EBF2: variants seen among roughly 807,000 people sequenced by gnomAD.
The protein encoded by EBF2 is EBF transcription factor 2, also known as transcription factor COE2.
In EBF2, 21 loss-of-function variants were observed where a neutral mutation model predicts 72.8. That is an observed-to-expected ratio of 0.29 (90% CI 0.20 to 0.42). The LOEUF (loss-of-function observed/expected upper bound fraction) is 0.42, where lower values mean the gene tolerates loss of function less well. EBF2 is among the 10% of genes least tolerant of loss of function. EBF2 has a pLI of 1.00. For synonymous variants in EBF2, 299 were observed against 274.2 expected (o/e 1.09, Z -0.89); for missense variants, 637 against 731.2 (o/e 0.87, Z 1.49).
At position 26,003,897 on chromosome 8, in the gene EBF2, G is replaced by A. The variant is rs151101057; in HGVS notation, c.551+29188C>T. On this transcript the variant is annotated intron_variant, in intron 6 of 15. Transcript: ENST00000520164. ...CAATTAGGGATTAACCAAAGTGCTC[G>A]CTCCTGCCAGCAAGAGTTTGCGCTC... 5.1e-4 allele frequency among the ~76,000 whole-genome samples: 78 copies of A among 152,218 alleles called. No homozygotes were observed. The East Asian group carries it at 0.014, about 28-fold the overall frequency.
chr8:26,042,812 A>C (rs1797739965), intron 1 of EBF2, among the ~76,000 whole-genome samples: 1 of 152,126 alleles, frequency 6.6e-6, no homozygotes, highest in African/African-American at 2.4e-5. Flanking sequence ...TAAGAACCCC[A>C]AGGGGCAGGC....
intron 11 of EBF2, 131 bp from the exon 12 acceptor site, chr8:25,861,505 T>C (rs1447968752): frequency 2.1e-6 from 2 of 943,138 alleles, no homozygotes; most frequent in Non-Finnish European, 3.2e-6. Flanking sequence ...AGAGGTCCTA[T>C]ATTTGGTTTG....
intron 6 of EBF2, among the ~76,000 whole-genome samples, chr8:25,956,612 T>G (rs1367924113): frequency 6.6e-6 from 1 of 152,164 alleles, no homozygotes; most frequent in Non-Finnish European, 1.5e-5. Flanking sequence ...TGACTATTAT[T>G]ACATACTCTA....
At chr8:25,998,329 G>A (rs781305494) in intron 6 of EBF2, among the ~76,000 whole-genome samples, 1 of 152,176 alleles carries the variant, frequency 6.6e-6, no homozygotes, top group Non-Finnish European at 1.5e-5. Context: ...AACAGACAAG[G>A]ATATCAGTGT....
intron 6 of EBF2, among the ~76,000 whole-genome samples, chr8:25,937,340 G>T (rs1266196903): frequency 5.9e-5 from 9 of 152,056 alleles, no homozygotes; most frequent in Admixed American, 5.2e-4. Flanking sequence ...CCCATACAAG[G>T]GAACAAAGTT....
At chr8:25,918,428 A>G (rs1049432428) in intron 6 of EBF2, among the ~76,000 whole-genome samples, 1 of 152,254 alleles carries the variant, frequency 6.6e-6, no homozygotes, top group African/African-American at 2.4e-5. Flanking sequence ...GAAGCCATGC[A>G]TAAATTTACA....
intron 10 of EBF2, among the ~76,000 whole-genome samples, chr8:25,866,433 TTATATA>T (rs1029645921): frequency 1.7e-5 from 2 of 120,656 alleles, no homozygotes; most frequent in African/African-American, 6.9e-5. Context: ...GATTTTTTAT[TTATATA>T]TATAATATAT....
chr8:26,033,421 G>A (rs1036674245), intron 5 of EBF2, among the ~76,000 whole-genome samples: 2 of 152,176 alleles, frequency 1.3e-5, no homozygotes, highest in African/African-American at 2.4e-5. Context: ...CTAAAGATGG[G>A]TTGTTACCAT....
At chr8:26,014,737 C>T (rs1339375746) in intron 6 of EBF2, among the ~76,000 whole-genome samples, 1 of 152,158 alleles carries the variant, frequency 6.6e-6, no homozygotes, top group African/African-American at 2.4e-5. Flanking sequence ...GCCCAAAAGT[C>T]GTGAACTACA....
chr8:25,995,353 G>T (rs10087606), intron 6 of EBF2, among the ~76,000 whole-genome samples: 119,182 of 152,152 alleles, frequency 0.78, 47,452 homozygotes, highest in African/African-American at 0.92. Flanking sequence ...TCCAACATAT[G>T]TTAAAAGATT....
chr8:25,856,441 T>G (rs984965414), intron 14 of EBF2, among the ~76,000 whole-genome samples: 2 of 152,238 alleles, frequency 1.3e-5, no homozygotes, highest in East Asian at 3.8e-4. Flanking sequence ...TTTTTTACTA[T>G]TTATTGGCTA....
At chr8:25,892,139 A>G (rs1802792904) in intron 7 of EBF2, among the ~76,000 whole-genome samples, 1 of 152,228 alleles carries the variant, frequency 6.6e-6, no homozygotes, top group Admixed American at 6.5e-5. Flanking sequence ...TCCTATACAT[A>G]CCTATGATAA....
At chr8:25,981,801 A>G (rs932207102) in intron 6 of EBF2, among the ~76,000 whole-genome samples, 2 of 151,786 alleles carry the variant, frequency 1.3e-5, no homozygotes, top group African/African-American at 4.8e-5. Flanking sequence ...CTTAAAAAAA[A>G]AAAAAAAAAT....
At chr8:25,942,506 G>C (rs1803690536) in intron 6 of EBF2, among the ~76,000 whole-genome samples, 1 of 152,130 alleles carries the variant, frequency 6.6e-6, no homozygotes, top group African/African-American at 2.4e-5. Context: ...GTCCCCTTGG[G>C]GCCTATCCCC....
rs985113936 is a variant in EBF2 at position 25,841,904 on chromosome 8, A to C, written c.*2705T>G. 5.3e-5 allele frequency: 8 copies of C among 152,352 alleles called. No homozygotes were observed. The highest frequency in any genetic ancestry group is 1.2e-4 in the Non-Finnish European group (8 of 68,034). The allele number at this position is 152,352 out of a possible 1,614,324, so 9.4% of individuals were successfully genotyped here. A position where few individuals can be genotyped will look rare whatever the true frequency, so the allele number is the denominator to read the frequency against. On this transcript the variant is annotated 3_prime_UTR_variant, in exon 16 of 16. Transcript: ENST00000520164. ...CAACTTTATACTGTATATAACTGAC[A>C]AAGCAAAACAATAAAATGAAACTAT...
At chr8:25,884,268 C>T (rs1390509572) in intron 10 of EBF2, among the ~76,000 whole-genome samples, 1 of 152,140 alleles carries the variant, frequency 6.6e-6, no homozygotes, top group African/African-American at 2.4e-5. Context: ...TCCCCCACCC[C>T]CAGATTCATG....
chr8:25,987,893 C>G (rs1192704820), intron 6 of EBF2, among the ~76,000 whole-genome samples: 1 of 152,056 alleles, frequency 6.6e-6, no homozygotes, highest in Admixed American at 6.6e-5. Flanking sequence ...CAGTAATATA[C>G]AAAACTCATA....
chr8:25,928,782 GAAAA>G (rs71551838), intron 6 of EBF2, among the ~76,000 whole-genome samples: 4 of 110,376 alleles, frequency 3.6e-5, no homozygotes, highest in South Asian at 7.0e-4. Context: ...ATTTTTAAAT[GAAAA>G]AAAAAAAAAA....
chr8:25,849,405 A>G (rs1801912760), intron 15 of EBF2, among the ~76,000 whole-genome samples: 3 of 152,324 alleles, frequency 2.0e-5, no homozygotes, highest in Admixed American at 2.0e-4. Flanking sequence ...CCCACACTCT[A>G]TCATCAAACC....
Sources: gnomAD v4.1 joint callset for allele counts (sites outside exome capture counted in the v4.1 genomes callset) on GRCh38, gnomAD v4.1.1 for gene constraint, MANE v1.5 for transcripts, NCBI Gene and HGNC (gene_info 2026-07-23, HGNC 2026-07-21) for gene names.